The following PREX2 variants were observed in gnomAD, a reference collection of about 807,000 sequenced individuals.
PREX2 encodes phosphatidylinositol 3,4,5-trisphosphate-dependent Rac exchanger 2 protein.
Under a neutral mutation model 203.2 loss-of-function variants are expected in PREX2, and 107 were observed. The observed-to-expected ratio is 0.53, with a 90% CI of 0.45 to 0.62. The LOEUF is 0.62. Among genes scored for constraint, PREX2 ranks in the 20% least tolerant of loss-of-function variants. PREX2 has a pLI of 0.00. For missense variants in PREX2, 1,777 were observed against 1,955.9 expected (o/e 0.91, Z 1.72); for synonymous variants, 672 against 663.6 (o/e 1.01, Z -0.19).
At chr8:68,230,042 T>G (rs1409344461) in intron 39 of PREX2, among the ~76,000 whole-genome samples, 1 of 152,186 alleles carries the variant, frequency 6.6e-6, no homozygotes, top group East Asian at 1.9e-4. Flanking sequence ...GGAGATAACA[T>G]GTAGTGCATC....
At chr8:68,169,713 A>T (rs934537245) in intron 35 of PREX2, among the ~76,000 whole-genome samples, 3 of 152,170 alleles carry the variant, frequency 2.0e-5, no homozygotes, top group African/African-American at 7.2e-5. Context: ...TTTACACTGT[A>T]TTAGGCCATC....
At chr8:68,105,530 A>G (rs1225331647) in intron 23 of PREX2, 43 of 1,150,470 alleles carry the variant, frequency 3.7e-5, no homozygotes, top group Non-Finnish European at 4.7e-5. Context: ...CGATTACTCC[A>G]TTAACACTTC....
At chr8:68,226,785 T>C (rs556763971) in intron 39 of PREX2, among the ~76,000 whole-genome samples, 1 of 152,300 alleles carries the variant, frequency 6.6e-6, no homozygotes, top group South Asian at 2.1e-4. Flanking sequence ...CAGTGTGTGA[T>C]GGAAATAGGC....
chr8:68,167,248 G>T (rs1412651486), intron 35 of PREX2, among the ~76,000 whole-genome samples: 1 of 152,028 alleles, frequency 6.6e-6, no homozygotes, highest in East Asian at 1.9e-4. Flanking sequence ...TCCTCAGCAT[G>T]GCAGTTGGGA....
At chr8:68,013,665 C>A (rs531303225) in intron 1 of PREX2, among the ~76,000 whole-genome samples, 3 of 152,134 alleles carry the variant, frequency 2.0e-5, no homozygotes, top group African/African-American at 7.2e-5. Context: ...AAAATATTTA[C>A]CCTTATTGTT....
intron 8 of PREX2, among the ~76,000 whole-genome samples, chr8:68,045,242 C>G (rs1808316510): frequency 2.0e-5 from 3 of 151,754 alleles, no homozygotes; most frequent in Admixed American, 2.0e-4. Context: ...AAAAAGTTGT[C>G]TCTAAAATAA....
chr8:68,183,363 G>T lies in PREX2; in HGVS notation c.4347-8359G>T, dbSNP rs146246574. On this transcript the variant is annotated intron_variant, in intron 35 of 39. Transcript: ENST00000288368. ...TTATCTTGAAACACAATTATCAAAT[G>T]AAATAGAATTATTTTGAAATAATTG... is the stretch of plus-strand genomic sequence containing the variant. Among the ~76,000 whole-genome samples the T allele has an allele frequency of 2.2e-3, 339 of 152,182 alleles. 5 individuals carry two copies. Among genetic ancestry groups the T allele is most frequent in the African/African-American group, 7.5e-3 (311 of 41,536 alleles).
chr8:67,955,147 C>CAAAAAA (rs1183491822), intron 1 of PREX2, among the ~76,000 whole-genome samples: 19 of 51,902 alleles, frequency 3.7e-4, no homozygotes, highest in Admixed American at 6.1e-4. Flanking sequence ...GACTCCATCT[C>CAAAAAA]AAAAAAAAAA....
At chr8:68,126,648 T>C (rs796863700) in intron 30 of PREX2, among the ~76,000 whole-genome samples, 14 of 152,230 alleles carry the variant, frequency 9.2e-5, no homozygotes, top group African/African-American at 3.1e-4. Flanking sequence ...ATCTTTTTTT[T>C]CCCATAATCT....
chr8:68,099,095 C>A (rs969661528), intron 22 of PREX2, among the ~76,000 whole-genome samples: 2 of 151,478 alleles, frequency 1.3e-5, no homozygotes, highest in Non-Finnish European at 2.9e-5. Context: ...TAATTGAAAA[C>A]ATCACATAAA....
intron 25 of PREX2, 70 bp downstream of exon 25, chr8:68,109,693 T>C (rs1273577147): frequency 8.0e-7 from 1 of 1,243,402 alleles, no homozygotes; most frequent in Non-Finnish European, 1.2e-6. Context: ...TTAGAAAAAT[T>C]CAATCATTCT....
chr8:68,184,567 G>A (rs1169120077), intron 35 of PREX2, among the ~76,000 whole-genome samples: 1 of 152,180 alleles, frequency 6.6e-6, no homozygotes, highest in Non-Finnish European at 1.5e-5. Context: ...CTGACCAAGT[G>A]AGAACTTTCT....
chr8:67,974,763 A>C (rs1285910816), intron 1 of PREX2, among the ~76,000 whole-genome samples: 1 of 152,240 alleles, frequency 6.6e-6, no homozygotes, highest in Non-Finnish European at 1.5e-5. Context: ...TAACCTAGAG[A>C]TGATGCAGTG....
At chr8:68,202,105 G>A (rs956024830) in intron 37 of PREX2, among the ~76,000 whole-genome samples, 5 of 151,690 alleles carry the variant, frequency 3.3e-5, no homozygotes, top group Admixed American at 6.6e-5. Context: ...TTTCACCATC[G>A]TGGCCAGACG....
At chr8:68,130,819 A>C (rs1585816765) in intron 31 of PREX2, among the ~76,000 whole-genome samples, 1 of 152,210 alleles carries the variant, frequency 6.6e-6, no homozygotes, top group African/African-American at 2.4e-5. Context: ...CCTCCAGTAG[A>C]AGGATACCCC....
chr8:68,017,738 G>C, intron 1 of PREX2, 108 bp from the exon 2 acceptor site: 1 of 824,342 alleles, frequency 1.2e-6, no homozygotes, highest in East Asian at 2.7e-5. Context: ...TCAACAAATG[G>C]AGTTTTACAC....
chr8:68,047,495 A>G (rs1808397642), intron 8 of PREX2, among the ~76,000 whole-genome samples: 1 of 75,316 alleles, frequency 1.3e-5, no homozygotes, highest in African/African-American at 1.0e-4. Flanking sequence ...ATATATATAT[A>G]TATATATATA....
At chr8:68,185,344 T>A (rs1812169505) in intron 35 of PREX2, among the ~76,000 whole-genome samples, 1 of 152,194 alleles carries the variant, frequency 6.6e-6, no homozygotes. Context: ...CTACCTTACA[T>A]GAACCCAGTC....
intron 20 of PREX2, 151 bp from the exon 21 acceptor site, chr8:68,093,454 T>C: frequency 2.0e-6 from 1 of 505,478 alleles, no homozygotes; most frequent in Non-Finnish European, 3.6e-6. Flanking sequence ...GTCCTTGAGT[T>C]TTTATTAGTT....
Sources: gnomAD v4.1 joint callset for allele counts (sites outside exome capture counted in the v4.1 genomes callset) on GRCh38, gnomAD v4.1.1 for gene constraint, MANE v1.5 for transcripts, NCBI Gene and HGNC (gene_info 2026-07-23, HGNC 2026-07-21) for gene names.